Variants in NFATC3 observed in about 807,000 individuals in gnomAD.
The protein encoded by NFATC3 is nuclear factor of activated T cells 3.
A neutral mutation model predicts 98.6 loss-of-function variants in NFATC3; 46 were observed. That is an observed-to-expected ratio of 0.47 (90% CI 0.37 to 0.60). The LOEUF is 0.60. Ranked by LOEUF, NFATC3 falls within the 20% of genes least tolerant of loss-of-function variation. The pLI is 0.00. For synonymous variants in NFATC3, 512 were observed against 472.2 expected, an observed-to-expected ratio of 1.08 and a Z score of -1.09; for missense variants, 1,256 against 1,295.5, an observed-to-expected ratio of 0.97 and a Z score of 0.47.
At chr16:68,109,981 C>T (rs2035857038) in intron 1 of NFATC3, among the ~76,000 whole-genome samples, 1 of 151,824 alleles carries the variant, frequency 6.6e-6, no homozygotes. Context: ...ATTAGCCTAG[C>T]CAAGCTCCTG....
chr16:68,167,666 A>G (rs2039258179), intron 5 of NFATC3, among the ~76,000 whole-genome samples: 1 of 152,062 alleles, frequency 6.6e-6, no homozygotes, highest in Admixed American at 6.6e-5. Context: ...TTTTATTTGC[A>G]TAGGAGAAAA....
At chr16:68,094,739 G>A (rs965489245) in intron 1 of NFATC3, among the ~76,000 whole-genome samples, 3 of 152,078 alleles carry the variant, frequency 2.0e-5, no homozygotes, top group South Asian at 2.1e-4. Flanking sequence ...TTAATCATCC[G>A]ATTACTATTT....
At chr16:68,112,004 G>T (rs1200620177) in intron 1 of NFATC3, among the ~76,000 whole-genome samples, 2 of 152,008 alleles carry the variant, frequency 1.3e-5, no homozygotes. Context: ...TAGTTTGATG[G>T]GCTTACCTTT....
intron 9 of NFATC3, among the ~76,000 whole-genome samples, chr16:68,222,289 C>CCAAAAAAA (rs1372339245): frequency 2.7e-4 from 7 of 26,402 alleles, no homozygotes; most frequent in African/African-American, 6.5e-4. Context: ...ACCCCATTGC[C>CCAAAAAAA]AAAAAAAAAA....
intron 3 of NFATC3, among the ~76,000 whole-genome samples, chr16:68,148,316 T>C (rs981592294): frequency 1.3e-5 from 2 of 152,126 alleles, no homozygotes; most frequent in African/African-American, 4.8e-5. Context: ...GTGCCTGACC[T>C]AGGCTTTATT....
In NFATC3 at chr16:68,192,267, A is replaced by G. The variant is rs529263644; in HGVS notation, c.3106+492A>G. 415 of 135,096 alleles carry G rather than the reference A, an allele frequency of 3.1e-3. 9 individuals are homozygous for G. Among genetic ancestry groups the G allele is most frequent in the African/African-American group, 0.011 (393 of 35,016 alleles). The allele number at this position is 135,096 out of a possible 1,614,324, so 8.4% of individuals were successfully genotyped here. On this transcript the variant is annotated intron_variant, in intron 9 of 9. Transcript: ENST00000346183. ...TATATATATATATGTATGTGTATAT[A>G]TATATGTATGTGTATATATATATGT...
At chr16:68,164,707 G>A (rs577611047) in intron 4 of NFATC3, among the ~76,000 whole-genome samples, 39 of 151,886 alleles carry the variant, frequency 2.6e-4, no homozygotes, top group Non-Finnish European at 2.8e-4. Context: ...GTGAAACCCC[G>A]TCTCTACTGA....
chr16:68,158,678 G>A (rs562651633), intron 4 of NFATC3, among the ~76,000 whole-genome samples: 2 of 152,226 alleles, frequency 1.3e-5, no homozygotes, highest in Middle Eastern at 3.4e-3. Flanking sequence ...CTTCTTTGCC[G>A]TCTTTAGCAT....
chr16:68,103,906 C>G (rs2035504039), intron 1 of NFATC3, among the ~76,000 whole-genome samples: 1 of 152,162 alleles, frequency 6.6e-6, no homozygotes, highest in Admixed American at 6.5e-5. Context: ...ATTAATACAT[C>G]TCTTCTTATG....
intron 3 of NFATC3, among the ~76,000 whole-genome samples, chr16:68,128,645 A>T: frequency 6.6e-6 from 1 of 152,106 alleles, no homozygotes; most frequent in Non-Finnish European, 1.5e-5. Flanking sequence ...TTAAAAGATT[A>T]AAAAAACAAA....
chr16:68,111,941 AT>A (rs1461561366), intron 1 of NFATC3, among the ~76,000 whole-genome samples: 1 of 152,148 alleles, frequency 6.6e-6, no homozygotes, highest in Non-Finnish European at 1.5e-5. Context: ...AATGTTGAAT[AT>A]TGGCATCCAA....
At chr16:68,188,067 G>T (rs530381722) in intron 8 of NFATC3, among the ~76,000 whole-genome samples, 1 of 152,304 alleles carries the variant, frequency 6.6e-6, no homozygotes, top group South Asian at 2.1e-4. Context: ...GGCTGAGGCG[G>T]CAGGGGTCTG....
chr16:68,187,974 G>A (rs1239004738), intron 8 of NFATC3, among the ~76,000 whole-genome samples: 1 of 152,066 alleles, frequency 6.6e-6, no homozygotes, highest in East Asian at 1.9e-4. Flanking sequence ...TCTGTCAAGG[G>A]GCGCCTGCAA....
At chr16:68,183,012 C>T (rs959518663) in intron 7 of NFATC3, among the ~76,000 whole-genome samples, 5 of 152,118 alleles carry the variant, frequency 3.3e-5, no homozygotes, top group Admixed American at 6.5e-5. Flanking sequence ...CAACCAGAAA[C>T]CCAATTGGGT....
At chr16:68,190,627 G>A (rs899206149) in intron 8 of NFATC3, 141 bp from the exon 9 acceptor site, 45 of 738,224 alleles carry the variant, frequency 6.1e-5, no homozygotes, top group African/African-American at 4.8e-4. Context: ...AGACATACAC[G>A]ATATTTTATA....
chr16:68,151,951 C>T (rs2038346787), intron 3 of NFATC3, among the ~76,000 whole-genome samples: 1 of 151,736 alleles, frequency 6.6e-6, no homozygotes, highest in Non-Finnish European at 1.5e-5. Context: ...CACCTGTAAT[C>T]CCAGTTACTT....
At chr16:68,169,630 A>AT (rs1209957538) in intron 5 of NFATC3, among the ~76,000 whole-genome samples, 2 of 151,134 alleles carry the variant, frequency 1.3e-5, no homozygotes, top group Non-Finnish European at 2.9e-5. Context: ...ATGATTCTTA[A>AT]TTTTTTTTCT....
intron 1 of NFATC3, among the ~76,000 whole-genome samples, chr16:68,107,288 T>G (rs1207274134): frequency 6.6e-6 from 1 of 152,240 alleles, no homozygotes; most frequent in Non-Finnish European, 1.5e-5. Context: ...GGTAAAATGA[T>G]ATTTTTGGTT....
intron 4 of NFATC3, among the ~76,000 whole-genome samples, chr16:68,164,441 C>A (rs1345272037): frequency 6.6e-6 from 1 of 152,184 alleles, no homozygotes; most frequent in African/African-American, 2.4e-5. Context: ...CGCCTAATCT[C>A]TTTTCTAAGA....
Sources: allele counts gnomAD v4.1 joint callset (sites outside exome capture counted in the v4.1 genomes callset), GRCh38; gene constraint gnomAD v4.1.1; transcripts MANE v1.5; gene names NCBI Gene and HGNC (gene_info 2026-07-23, HGNC 2026-07-21).